GULP1: variants seen among roughly 807,000 people sequenced by gnomAD.
GULP1 encodes PTB domain-containing engulfment adapter protein 1.
A neutral mutation model predicts 40.9 loss-of-function variants in GULP1; 19 were observed. The observed-to-expected ratio is 0.46, with a 90% CI of 0.32 to 0.68. The LOEUF is 0.68. Among genes scored for constraint, GULP1 ranks in the 30% least tolerant of loss-of-function variants. The pLI, the probability that GULP1 is intolerant of heterozygous loss-of-function variation, is 0.03. For missense variants in GULP1, 312 were observed against 362.2 expected (o/e 0.86, Z 1.12); for synonymous variants, 119 against 117.6 (o/e 1.01, Z -0.08).
At chr2:188,519,006 A>G (rs1293316209) in intron 4 of GULP1, among the ~76,000 whole-genome samples, 1 of 152,180 alleles carries the variant, frequency 6.6e-6, no homozygotes, top group Non-Finnish European at 1.5e-5. Context: ...TAAGAAATGC[A>G]CATAAATATG....
intron 2 of GULP1, among the ~76,000 whole-genome samples, chr2:188,427,024 G>A (rs1049756119): frequency 2.0e-5 from 3 of 152,158 alleles, no homozygotes; most frequent in Non-Finnish European, 2.9e-5. Flanking sequence ...TTATAGGTTA[G>A]GAAAGAGCTT....
intron 1 of GULP1, among the ~76,000 whole-genome samples, chr2:188,327,822 A>G (rs2040972682): frequency 6.6e-6 from 1 of 152,142 alleles, no homozygotes; most frequent in Non-Finnish European, 1.5e-5. Context: ...TTTGAGGTTG[A>G]AAATGATGGA....
At chr2:188,406,232 A>G (rs1191444719) in intron 2 of GULP1, among the ~76,000 whole-genome samples, 1 of 152,204 alleles carries the variant, frequency 6.6e-6, no homozygotes, top group Admixed American at 6.5e-5. Context: ...AAACCTGTAC[A>G]GCATGTACAT....
intron 4 of GULP1, among the ~76,000 whole-genome samples, chr2:188,486,893 T>C (rs752924226): frequency 3.9e-5 from 6 of 151,978 alleles, no homozygotes; most frequent in African/African-American, 7.2e-5. Flanking sequence ...TAGTAGGTCA[T>C]AGGGACATAT....
chr2:188,366,967 C>T, intron 1 of GULP1, among the ~76,000 whole-genome samples: 1 of 152,158 alleles, frequency 6.6e-6, no homozygotes, highest in East Asian at 1.9e-4. Context: ...TTTGACATAA[C>T]ATTTCAGATA....
intron 4 of GULP1, among the ~76,000 whole-genome samples, chr2:188,496,158 T>C (rs952383931): frequency 3.3e-5 from 5 of 152,012 alleles, no homozygotes; most frequent in African/African-American, 9.7e-5. Context: ...TCACCCCAGA[T>C]TCTGCAGGTT....
At chr2:188,447,422 G>A (rs2058484483) in intron 2 of GULP1, among the ~76,000 whole-genome samples, 1 of 152,046 alleles carries the variant, frequency 6.6e-6, no homozygotes, top group Admixed American at 6.6e-5. Context: ...GATGGTTGGG[G>A]GGCCTTATAA....
chr2:188,434,910 A>G (rs1340823596), intron 2 of GULP1, among the ~76,000 whole-genome samples: 3 of 151,972 alleles, frequency 2.0e-5, no homozygotes, highest in Non-Finnish European at 4.4e-5. Flanking sequence ...ATCTTATCAC[A>G]ACTTTACATA....
At chr2:188,374,695 A>G (rs1385790792) in intron 1 of GULP1, among the ~76,000 whole-genome samples, 1 of 151,938 alleles carries the variant, frequency 6.6e-6, no homozygotes, top group Non-Finnish European at 1.5e-5. Flanking sequence ...TGGTACTGCC[A>G]TTGACCAGTC....
At chr2:188,524,331 A>G (rs1312879228) in intron 5 of GULP1, among the ~76,000 whole-genome samples, 1 of 152,142 alleles carries the variant, frequency 6.6e-6, no homozygotes, top group African/African-American at 2.4e-5. Flanking sequence ...ATGTATTTCT[A>G]TGGAGTTTCA....
chr2:188,408,809 T>C (rs1434364134), intron 2 of GULP1, among the ~76,000 whole-genome samples: 11 of 152,188 alleles, frequency 7.2e-5, no homozygotes, highest in African/African-American at 4.8e-5. Context: ...AATGAAGTCA[T>C]TTCAAGTATC....
chr2:188,351,390 G>A (rs749273892), intron 1 of GULP1, among the ~76,000 whole-genome samples: 4 of 152,046 alleles, frequency 2.6e-5, no homozygotes, highest in Non-Finnish European at 5.9e-5. Context: ...TAACGCTTCT[G>A]ACTTCAAACC....
chr2:188,380,972 C>T (rs536394706), intron 1 of GULP1, among the ~76,000 whole-genome samples: 7 of 152,082 alleles, frequency 4.6e-5, no homozygotes, highest in Admixed American at 6.5e-5. Context: ...ATTTCATATA[C>T]GTCTTCAAAT....
chr2:188,386,070 A>G (rs1012959232), intron 2 of GULP1, among the ~76,000 whole-genome samples: 24 of 152,164 alleles, frequency 1.6e-4, no homozygotes, highest in Admixed American at 1.6e-3. Context: ...AATTTACTGT[A>G]TGAGTCTGTT....
At chr2:188,412,240 A>G (rs891405352) in intron 2 of GULP1, among the ~76,000 whole-genome samples, 2 of 152,128 alleles carry the variant, frequency 1.3e-5, no homozygotes, top group African/African-American at 4.8e-5. Flanking sequence ...TAAAACCATC[A>G]GATCTCGTGA....
At chr2:188,382,592 T>G (rs907606390) in intron 1 of GULP1, among the ~76,000 whole-genome samples, 1 of 152,152 alleles carries the variant, frequency 6.6e-6, no homozygotes, top group Non-Finnish European at 1.5e-5. Flanking sequence ...TGTTAGAATA[T>G]GAAAAAGAAG....
At chr2:188,476,095 A>G (rs1363395255) in intron 2 of GULP1, among the ~76,000 whole-genome samples, 3 of 152,146 alleles carry the variant, frequency 2.0e-5, no homozygotes, top group African/African-American at 7.2e-5. Context: ...TGAATGCCAG[A>G]TGACACAGTG....
At chr2:188,417,608 A>G (rs1012864421) in intron 2 of GULP1, among the ~76,000 whole-genome samples, 5 of 152,188 alleles carry the variant, frequency 3.3e-5, no homozygotes, top group Admixed American at 1.3e-4. Context: ...CTTGTAAAAG[A>G]TAAGTATATT....
At chr2:188,326,486 C>A (rs1359339495) in intron 1 of GULP1, among the ~76,000 whole-genome samples, 2 of 152,026 alleles carry the variant, frequency 1.3e-5, no homozygotes, top group Admixed American at 6.6e-5. Context: ...AAGCAGCTCA[C>A]CCAAAGCCTG....
Sources: gnomAD v4.1 joint callset for allele counts (sites outside exome capture counted in the v4.1 genomes callset) on GRCh38, gnomAD v4.1.1 for gene constraint, MANE v1.5 for transcripts, NCBI Gene and HGNC (gene_info 2026-07-23, HGNC 2026-07-21) for gene names.